The following CWC27 variants were observed in gnomAD, a reference collection of about 807,000 sequenced individuals.
CWC27 encodes spliceosome-associated protein CWC27 homolog.
In CWC27, 47 loss-of-function variants were observed where a neutral mutation model predicts 63.6. That is an observed-to-expected ratio of 0.74 (90% confidence interval 0.58 to 0.94). CWC27 has a LOEUF of 0.94. CWC27 is among the 40% of genes least tolerant of loss of function. The pLI is 0.00. For synonymous variants in CWC27, 175 were observed against 179.8 expected (o/e 0.97, Z 0.22); for missense variants, 495 against 554.3 (o/e 0.89, Z 1.07).
chr5:64,852,461 G>A (rs1425809154), intron 10 of CWC27, among the ~76,000 whole-genome samples: 1 of 150,166 alleles, frequency 6.7e-6, no homozygotes, highest in East Asian at 2.0e-4. Flanking sequence ...AGAGTCAGAT[G>A]CTTAAAGGAC....
chr5:64,935,698 T>C (rs1422681582), intron 11 of CWC27, among the ~76,000 whole-genome samples: 1 of 152,208 alleles, frequency 6.6e-6, no homozygotes, highest in African/African-American at 2.4e-5. Context: ...TTGGGCAGTA[T>C]GGCCATTTTC....
At chr5:64,960,286 A>G (rs551184700) in intron 11 of CWC27, among the ~76,000 whole-genome samples, 1 of 152,098 alleles carries the variant, frequency 6.6e-6, no homozygotes, top group African/African-American at 2.4e-5. Context: ...GCCAGACTAC[A>G]TAGGTTTATA....
intron 13 of CWC27, among the ~76,000 whole-genome samples, chr5:65,004,905 T>TACACACACAC (rs1317560192): frequency 1.6e-5 from 1 of 63,552 alleles, no homozygotes; most frequent in African/African-American, 5.8e-5. Flanking sequence ...TATATATATA[T>TACACACACAC]ACATACACAC....
chr5:64,896,132 C>A (rs1436878014), intron 11 of CWC27, among the ~76,000 whole-genome samples: 1 of 152,080 alleles, frequency 6.6e-6, no homozygotes. Context: ...TAAAAGCAGT[C>A]GGAAAAGATA....
At chr5:64,848,734 A>T (rs1304968098) in intron 10 of CWC27, among the ~76,000 whole-genome samples, 1 of 152,202 alleles carries the variant, frequency 6.6e-6, no homozygotes, top group Admixed American at 6.5e-5. Flanking sequence ...GAAGTATAAA[A>T]ACCATGTGAT....
chr5:64,787,021 A>G (rs1170104684), intron 6 of CWC27, among the ~76,000 whole-genome samples: 2 of 152,146 alleles, frequency 1.3e-5, no homozygotes, highest in East Asian at 1.9e-4. Flanking sequence ...GGAGAGAGCG[A>G]GTGGGAAGGA....
At chr5:64,835,804 A>C (rs1467850186) in intron 10 of CWC27, among the ~76,000 whole-genome samples, 1 of 151,860 alleles carries the variant, frequency 6.6e-6, no homozygotes, top group Non-Finnish European at 1.5e-5. Context: ...TTTTATGAAG[A>C]AAACCACTGT....
At chr5:64,852,258 G>C (rs971906054) in intron 10 of CWC27, among the ~76,000 whole-genome samples, 1 of 152,136 alleles carries the variant, frequency 6.6e-6, no homozygotes, top group African/African-American at 2.4e-5. Flanking sequence ...GACTAAAAAT[G>C]TTTTAATAAC....
At chr5:64,970,243 C>T (rs1189867120) in intron 11 of CWC27, among the ~76,000 whole-genome samples, 4 of 147,576 alleles carry the variant, frequency 2.7e-5, no homozygotes, top group Non-Finnish European at 6.0e-5. Flanking sequence ...GACAGAGTCT[C>T]GCTCTGTCGC....
In CWC27 at chr5:64,787,559, ATAT is replaced by A. The variant is rs548725471; in HGVS notation, c.599+939_599+941del. On this transcript the variant is annotated intron_variant, in intron 6 of 13. Transcript: ENST00000381070. ...TCCTTTTATGTTGCTATTAAAAATA[ATAT>A]TATTATAAATATTTTAAAATATAAA... Among the ~76,000 whole-genome samples, 665 of 151,810 alleles carry A rather than the reference ATAT, an allele frequency of 4.4e-3. 7 individuals carry two copies. The highest frequency in any genetic ancestry group is 0.015 in the African/African-American group (604 of 41,528).
rs573825229 is a variant in CWC27, at chr5:65,011,217, C to A, written c.1257-6942C>A. The stretch of plus-strand genomic sequence containing the variant: ...CTGCATTCCAGCCTGGGCAACATAG[C>A]AAAACCCCATCTCAACAAAAAAGCA... On this transcript the variant is annotated intron_variant, in intron 13 of 13. Transcript: ENST00000381070. Among the ~76,000 whole-genome samples, 10 of 152,256 alleles carry A rather than the reference C, an allele frequency of 6.6e-5. No homozygotes were observed. In the South Asian group the frequency reaches 2.1e-3, roughly 32 times the overall value.
intron 11 of CWC27, among the ~76,000 whole-genome samples, chr5:64,946,094 C>T (rs749209697): frequency 3.3e-5 from 5 of 152,132 alleles, no homozygotes; most frequent in Admixed American, 6.6e-5. Flanking sequence ...GTTATCTCCT[C>T]CAGCAACTGT....
intron 10 of CWC27, among the ~76,000 whole-genome samples, chr5:64,851,809 T>C (rs1447203048): frequency 1.3e-5 from 2 of 152,232 alleles, no homozygotes; most frequent in Non-Finnish European, 2.9e-5. Flanking sequence ...CAAGATGTAT[T>C]GAATACTTAC....
intron 13 of CWC27, among the ~76,000 whole-genome samples, chr5:65,010,689 G>T (rs1414138005): frequency 1.3e-5 from 2 of 152,108 alleles, no homozygotes; most frequent in South Asian, 2.1e-4. Context: ...CCACCTCAAA[G>T]GCTAATCATA....
chr5:64,816,948 A>C (rs1346276463), intron 10 of CWC27, among the ~76,000 whole-genome samples: 1 of 152,096 alleles, frequency 6.6e-6, no homozygotes, highest in Admixed American at 6.6e-5. Context: ...TTCATTAAGA[A>C]ACAGAAGCAG....
chr5:64,799,602 A>ATATATATATATATATATATATATATG (rs143997810), intron 7 of CWC27, among the ~76,000 whole-genome samples: 2,370 of 132,364 alleles, frequency 0.018, 138 homozygotes, highest in East Asian at 0.039. Context: ...ATATATATAT[A>ATATATATATATATATATATATATATG]CTTAATAGCA....
chr5:65,016,027 G>C (rs1239066531), intron 13 of CWC27, among the ~76,000 whole-genome samples: 2 of 152,192 alleles, frequency 1.3e-5, no homozygotes, highest in African/African-American at 4.8e-5. Flanking sequence ...ACCTTGGTGA[G>C]ATATCATTAA....
chr5:64,838,953 A>G (rs1745734200), intron 10 of CWC27, among the ~76,000 whole-genome samples: 1 of 152,200 alleles, frequency 6.6e-6, no homozygotes, highest in Non-Finnish European at 1.5e-5. Flanking sequence ...AATCAGTCAT[A>G]CTATAAAAAT....
chr5:65,002,225 A>G (rs1038676955), intron 13 of CWC27, among the ~76,000 whole-genome samples: 2 of 151,908 alleles, frequency 1.3e-5, no homozygotes, highest in African/African-American at 2.4e-5. Flanking sequence ...CTTGCTAACA[A>G]TTTATCTATT....
Sources: gnomAD v4.1 joint callset for allele counts (sites outside exome capture counted in the v4.1 genomes callset) on GRCh38, gnomAD v4.1.1 for gene constraint, MANE v1.5 for transcripts, NCBI Gene and HGNC (gene_info 2026-07-23, HGNC 2026-07-21) for gene names.